MINAR1: variants seen among roughly 807,000 people sequenced by gnomAD.
MINAR1 encodes major intrinsically disordered Notch2-binding receptor 1.
A neutral mutation model predicts 65.1 loss-of-function variants in MINAR1; 40 were observed. That is an observed-to-expected ratio of 0.61 (90% CI 0.48 to 0.80). The LOEUF is 0.80. Ranked by LOEUF, MINAR1 falls within the 30% of genes least tolerant of loss-of-function variation. MINAR1 has a pLI of 0.00. For synonymous variants in MINAR1, 482 were observed against 449.1 expected (o/e 1.07, Z -0.93); for missense variants, 1,128 against 1,148.0 (o/e 0.98, Z 0.25).
At chr15:79,419,657 G>T in the MINAR1 span, 1 of 152,156 alleles carries the variant, frequency 6.6e-6, no homozygotes, top group South Asian at 2.1e-4. Context: ...TAACTAAGAA[G>T]ATCTTGGAAA....
At chr15:79,458,599 G>C (rs1895528905) in intron 2 of MINAR1, among the ~76,000 whole-genome samples, 154 bp downstream of exon 2, 1 of 152,244 alleles carries the variant, frequency 6.6e-6, no homozygotes, top group Non-Finnish European at 1.5e-5. Context: ...CATTGGAATA[G>C]AGAGGACAAC....
intron 3 of MINAR1, among the ~76,000 whole-genome samples, chr15:79,464,129 T>A (rs1895753173): frequency 6.6e-6 from 1 of 152,178 alleles, no homozygotes. Flanking sequence ...GGAGGTACAG[T>A]GTGGTGGAGA....
chr15:79,411,974 G>A, the MINAR1 span: 1 of 156,486 alleles, frequency 6.4e-6, no homozygotes, highest in Admixed American at 6.1e-5. Flanking sequence ...TGGTTTTCTG[G>A]TCTCTCCTGG....
chr15:79,457,905 C>G lies in MINAR1; in HGVS notation c.1758C>G (p.His586Gln), dbSNP rs1895495343. The G allele has an allele frequency of 6.2e-7, 1 of 1,614,036 alleles. No individual in the cohort carries two copies. The highest frequency in any genetic ancestry group is 2.2e-5 in the East Asian group (1 of 44,894). The change falls in exon 2 of 4, where the codon CAC becomes CAG. Residue 586 changes from histidine (H) to glutamine (Q), a missense_variant. His to Gln is a conservative substitution (Grantham distance 24, BLOSUM62 0). Coordinates refer to ENST00000305428, the MANE Select transcript of MINAR1 (RefSeq NM_015206.3). ...GDKGNRPENT[H>Q]HSEEELKTSV... is the part of the protein sequence containing the mutation. ...AGGGCAACCGGCCTGAAAACACCCA[C>G]CACTCGGAAGAAGAGCTGAAGACCA... is the stretch of plus-strand genomic sequence containing the variant.
In MINAR1 at chr15:79,457,549, A is replaced by G. The variant is rs1410750053; in HGVS notation, c.1402A>G (p.Ser468Gly). ...KSINCTSGQL[S>G]SDTSSVGTQT... ...CATTAACTGCACCAGTGGGCAGCTCAGCTCAGACACCAGTAGCGTGGGCAC... is the reference window on the plus strand; with the variant it reads ...CATTAACTGCACCAGTGGGCAGCTCGGCTCAGACACCAGTAGCGTGGGCAC... The change falls in exon 2 of 4, where the codon AGC becomes GGC. Residue 468 changes from serine (S) to glycine (G), a missense_variant. Coordinates refer to ENST00000305428, the MANE Select transcript of MINAR1 (RefSeq NM_015206.3). 2 of 1,614,212 alleles carry G rather than the reference A, an allele frequency of 1.2e-6. No individual in the cohort carries two copies. Among genetic ancestry groups the G allele is most frequent in the South Asian group, 2.2e-5 (2 of 91,088 alleles).
intron 1 of MINAR1, among the ~76,000 whole-genome samples, chr15:79,450,417 T>C (rs1412567667): frequency 2.0e-5 from 3 of 151,626 alleles, no homozygotes. Flanking sequence ...GTGAGGAGGG[T>C]GTGCTGTAGT....
chr15:79,453,463 G>A (rs1895308459), intron 1 of MINAR1, among the ~76,000 whole-genome samples: 2 of 152,118 alleles, frequency 1.3e-5, no homozygotes, highest in African/African-American at 4.8e-5. Flanking sequence ...TACTCTTCCT[G>A]CCCTACACAG....
intron 1 of MINAR1, among the ~76,000 whole-genome samples, chr15:79,446,202 T>G (rs1398114319): frequency 6.6e-6 from 1 of 152,178 alleles, no homozygotes; most frequent in Non-Finnish European, 1.5e-5. Context: ...ACTTAAAATT[T>G]AAATTTATTT....
intron 1 of MINAR1, among the ~76,000 whole-genome samples, chr15:79,435,732 C>CAG (rs1272161845): frequency 6.6e-6 from 1 of 152,204 alleles, no homozygotes; most frequent in African/African-American, 2.4e-5. Context: ...CTTAGGAGAG[C>CAG]AGGGACTTTG....
At chr15:79,465,888 T>C (rs1895831551) in intron 3 of MINAR1, among the ~76,000 whole-genome samples, 1 of 152,072 alleles carries the variant, frequency 6.6e-6, no homozygotes, top group Non-Finnish European at 1.5e-5. Context: ...GTTCATGTTT[T>C]CATGCCAAGG....
intron 1 of MINAR1, among the ~76,000 whole-genome samples, chr15:79,445,455 C>G (rs1894986657): frequency 6.6e-6 from 1 of 151,974 alleles, no homozygotes; most frequent in Non-Finnish European, 1.5e-5. Context: ...ACTGTGATGC[C>G]ATTTTGCCTG....
rs373608287 is a variant in MINAR1, at chr15:79,457,749, G to C, written c.1602G>C (p.Thr534=). Residue 534 remains threonine (T), a synonymous_variant, in exon 2 of 4, where the codon ACG becomes ACC. Transcript: ENST00000305428. ...FLDDMSISGS[T]GVIQSSCYNS... ...ATGACATGAGCATCAGTGGCTCCACGGGAGTGATACAGTCGTCCTGCTACA... is the reference window on the plus strand; with the variant it reads ...ATGACATGAGCATCAGTGGCTCCACCGGAGTGATACAGTCGTCCTGCTACA... 5 of 1,614,162 alleles carry C rather than the reference G, an allele frequency of 3.1e-6. No homozygotes were observed. The South Asian group carries it at 4.4e-5, about 14-fold the overall frequency.
intron 1 of MINAR1, among the ~76,000 whole-genome samples, chr15:79,440,062 A>C (rs1224685150): frequency 6.6e-6 from 1 of 152,102 alleles, no homozygotes; most frequent in Non-Finnish European, 1.5e-5. Context: ...AGAACCATGG[A>C]TCATTAGCCC....
Position 79,453,107 on chromosome 15 carries a change from G to GTTTCTCTAGCCTCCTTTTCCTCA in MINAR1, c.-50-2983_-50-2961dup, listed in dbSNP as rs2141290079. On this transcript the variant is annotated intron_variant, in intron 1 of 3. Coordinates refer to ENST00000305428, the MANE Select transcript of MINAR1 (RefSeq NM_015206.3). ...TGTGATGCATTATGCTCTGAGTGGAGTTTCTCTAGCCTCCTTTTCCTCATT... is the reference window on the plus strand; with the variant it reads ...TGTGATGCATTATGCTCTGAGTGGAGTTTCTCTAGCCTCCTTTTCCTCATTTCTCTAGCCTCCTTTTCCTCATT... Among the ~76,000 whole-genome samples, 3 of 152,070 alleles carry GTTTCTCTAGCCTCCTTTTCCTCA rather than the reference G, an allele frequency of 2.0e-5. No homozygotes were observed. The East Asian group carries it at 5.8e-4, about 30-fold the overall frequency.
At chr15:79,427,485 T>G (rs950951782), upstream of MINAR1, 3 of 152,214 alleles carry the variant, frequency 2.0e-5, no homozygotes, top group Admixed American at 2.0e-4. Flanking sequence ...TCTGCTACTA[T>G]CAATCTCTAC....
At chr15:79,436,133 T>C (rs1894592627) in intron 1 of MINAR1, among the ~76,000 whole-genome samples, 1 of 152,234 alleles carries the variant, frequency 6.6e-6, no homozygotes, top group Admixed American at 6.5e-5. Flanking sequence ...CAGAGCTTCT[T>C]GCTGACGCAT....
At chr15:79,462,863 G>A (rs113750738) in intron 2 of MINAR1, among the ~76,000 whole-genome samples, 53 of 152,288 alleles carry the variant, frequency 3.5e-4, no homozygotes, top group African/African-American at 1.3e-3. Context: ...AGAAATGTTA[G>A]TTTATATTAG....
intron 3 of MINAR1, 56 bp downstream of exon 3, chr15:79,463,377 C>T (rs1895723438): frequency 7.5e-6 from 12 of 1,591,172 alleles, no homozygotes; most frequent in Non-Finnish European, 1.0e-5. Flanking sequence ...TGGCAAATGC[C>T]CTGGAATGGA....
Position 79,443,329 on chromosome 15 carries a change from G to T in MINAR1, c.-51+10789G>T, listed in dbSNP as rs11632470. ...TCTGTGCCTGGTCCCTTGATAAGAA[G>T]AGTGGTTTGACTAGGGTACCTTACC... On this transcript the variant is annotated intron_variant, in intron 1 of 3. Transcript: ENST00000305428. Among the ~76,000 whole-genome samples, 1,498 of 152,316 alleles carry T rather than the reference G, an allele frequency of 9.8e-3. 10 individuals are homozygous for T. The highest frequency in any genetic ancestry group is 0.015 in the Non-Finnish European group (1,031 of 68,024).
Sources: allele counts gnomAD v4.1 joint callset (sites outside exome capture counted in the v4.1 genomes callset), GRCh38; gene constraint gnomAD v4.1.1; transcripts MANE v1.5; gene names NCBI Gene and HGNC (gene_info 2026-07-23, HGNC 2026-07-21).